The following DISP1 variants were observed in gnomAD, a reference collection of about 807,000 sequenced individuals.
DISP1 encodes the protein protein dispatched homolog 1.
A neutral mutation model predicts 37.3 loss-of-function variants in DISP1; 30 were observed. That is an observed-to-expected ratio of 0.80 (90% confidence interval 0.60 to 1.09). The LOEUF (loss-of-function observed/expected upper bound fraction) is 1.09, where lower values mean the gene tolerates loss of function less well. DISP1 is among the 50% of genes least tolerant of loss of function. The pLI, the probability that DISP1 is intolerant of heterozygous loss-of-function variation, is 0.00. For synonymous variants in DISP1, 634 were observed against 690.2 expected, an observed-to-expected ratio of 0.92 and a Z score of 1.28; for missense variants, 1,598 against 1,879.5, an observed-to-expected ratio of 0.85 and a Z score of 2.77.
chr1:222,845,313 GA>G (rs1473552168), intron 1 of DISP1, among the ~76,000 whole-genome samples: 1 of 151,994 alleles, frequency 6.6e-6, no homozygotes, highest in Non-Finnish European at 1.5e-5. Context: ...ATCCTAAAGT[GA>G]AAAAAAGAAG....
At position 223,003,273 on chromosome 1, in the gene DISP1, A is replaced by AT; in HGVS notation, c.1876_1877insT (p.Asn626IlefsTer35). ...TGCCTTTTATGCTAACTATGTTAGC[A>AT]ACATTACAGCAATCCGATGCTTTGG... On this transcript the variant is annotated frameshift_variant, in exon 9 of 9. Transcript: ENST00000675850. LOFTEE classifies it low-confidence loss of function (END_TRUNC). The surrounding 1 kb of genome is among the most constrained non-coding windows in gnomAD (Gnocchi z 4.3). 6.2e-7 allele frequency: 1 copy of AT among 1,614,226 alleles called. No individual in the cohort carries two copies. Among genetic ancestry groups the AT allele is most frequent in the Non-Finnish European group, 8.5e-7 (1 of 1,180,020 alleles).
chr1:222,858,148 C>G (rs2125321456), intron 1 of DISP1, among the ~76,000 whole-genome samples: 1 of 152,282 alleles, frequency 6.6e-6, no homozygotes, highest in Non-Finnish European at 1.5e-5. Context: ...CTACAACCAT[C>G]TGATCTTCCA....
At chr1:222,919,264 T>C (rs1185705483) in intron 1 of DISP1, among the ~76,000 whole-genome samples, 2 of 151,848 alleles carry the variant, frequency 1.3e-5, no homozygotes, top group African/African-American at 4.9e-5. Context: ...CAGCAAACTT[T>C]TCATAAATGC....
rs570905352 is a variant in DISP1 at position 222,877,356 on chromosome 1, G to A, written c.-158-51074G>A. On this transcript the variant is annotated intron_variant, in intron 1 of 8. Transcript: ENST00000675850. ...GCAACTCACCTCTTACGTGGATGGCGGCAGGCAAAGAGAGAGAGATTGTGC... is the reference window on the plus strand; with the variant it reads ...GCAACTCACCTCTTACGTGGATGGCAGCAGGCAAAGAGAGAGAGATTGTGC... Among the ~76,000 whole-genome samples the A allele has an allele frequency of 2.6e-5, 4 of 152,122 alleles. No individual in the cohort carries two copies. In the East Asian group the frequency reaches 5.8e-4, roughly 22 times the overall value.
intron 1 of DISP1, among the ~76,000 whole-genome samples, chr1:222,926,367 G>A (rs1296977132): frequency 1.3e-5 from 2 of 152,098 alleles, no homozygotes; most frequent in African/African-American, 4.8e-5. Flanking sequence ...TTATGAATAA[G>A]GCACTATGAA....
At chr1:222,828,702 C>T (rs1282673537) in intron 1 of DISP1, among the ~76,000 whole-genome samples, 1 of 152,146 alleles carries the variant, frequency 6.6e-6, no homozygotes, top group Non-Finnish European at 1.5e-5. Context: ...GTTCATTCCA[C>T]CAGGAATATG....
Position 222,992,121 on chromosome 1 carries a change from T to C in DISP1, c.889+11T>C. On this transcript the variant is annotated intron_variant, in intron 7 of 8. Transcript: ENST00000675850. ...TCTGCGACGTTCCAAGTGAGTGACA[T>C]TGTAGATGAACAAACCACTCAGCAG... 1.2e-6 allele frequency: 2 copies of C among 1,601,142 alleles called. No individual in the cohort carries two copies. Among genetic ancestry groups the C allele is most frequent in the Non-Finnish European group, 1.7e-6 (2 of 1,168,272 alleles).
chr1:222,850,712 A>G (rs566310059), intron 1 of DISP1, among the ~76,000 whole-genome samples: 46 of 152,172 alleles, frequency 3.0e-4, no homozygotes, highest in Non-Finnish European at 5.7e-4. Flanking sequence ...TTGTTCCTGC[A>G]TTAGTTTGCT....
intron 1 of DISP1, among the ~76,000 whole-genome samples, chr1:222,925,472 A>G (rs1279658399): frequency 6.6e-6 from 1 of 152,134 alleles, no homozygotes; most frequent in Non-Finnish European, 1.5e-5. Context: ...CCATTTTGTC[A>G]TGGGAATTTT....
At chr1:222,957,417 C>T (rs1346894092) in intron 3 of DISP1, among the ~76,000 whole-genome samples, 3 of 152,018 alleles carry the variant, frequency 2.0e-5, no homozygotes, top group Admixed American at 2.0e-4. Flanking sequence ...AGTGAAATCC[C>T]GTCTCTACTA....
At chr1:222,912,574 C>A (rs73128670) in intron 1 of DISP1, among the ~76,000 whole-genome samples, 1 of 151,804 alleles carries the variant, frequency 6.6e-6, no homozygotes, top group Non-Finnish European at 1.5e-5. Flanking sequence ...TTTCTTTTTA[C>A]TTCTTTTTAC....
At chr1:222,997,691 G>A (rs886529957) in intron 8 of DISP1, among the ~76,000 whole-genome samples, 1 of 152,170 alleles carries the variant, frequency 6.6e-6, no homozygotes, top group African/African-American at 2.4e-5. Context: ...ATAAGGATAG[G>A]ACAGCTGTGA....
intron 8 of DISP1, among the ~76,000 whole-genome samples, chr1:222,997,161 G>A (rs896080978): frequency 2.0e-5 from 3 of 151,782 alleles, no homozygotes; most frequent in African/African-American, 7.3e-5. Flanking sequence ...CAAAGGATGA[G>A]ATAAATAAGT....
intron 1 of DISP1, among the ~76,000 whole-genome samples, chr1:222,831,345 GGTA>G (rs1665692637): frequency 6.6e-6 from 1 of 152,088 alleles, no homozygotes; most frequent in African/African-American, 2.4e-5. Context: ...TTATTTCAGA[GGTA>G]GTAGGTTTAT....
intron 1 of DISP1, among the ~76,000 whole-genome samples, chr1:222,926,379 A>C (rs1201242702): frequency 6.6e-6 from 1 of 152,218 alleles, no homozygotes; most frequent in African/African-American, 2.4e-5. Flanking sequence ...CACTATGAAT[A>C]TTCATGTACA....
chr1:222,952,722 C>A (rs1446648584), intron 3 of DISP1, among the ~76,000 whole-genome samples: 1 of 152,102 alleles, frequency 6.6e-6, no homozygotes, highest in African/African-American at 2.4e-5. Flanking sequence ...TGGTGGCACG[C>A]ACCTGTAGTC....
chr1:222,901,501 G>A (rs1034823447), intron 1 of DISP1, among the ~76,000 whole-genome samples: 2 of 149,408 alleles, frequency 1.3e-5, no homozygotes, highest in African/African-American at 2.5e-5. Context: ...ATAGATTTTT[G>A]TTTGTTTGTT....
chr1:222,920,633 A>G (rs909165641), intron 1 of DISP1, among the ~76,000 whole-genome samples: 5 of 152,168 alleles, frequency 3.3e-5, no homozygotes, highest in African/African-American at 4.8e-5. Context: ...TAGTTTTCAC[A>G]TTTAAAAACT....
chr1:222,925,728 C>A (rs189645450), intron 1 of DISP1, among the ~76,000 whole-genome samples: 2 of 152,224 alleles, frequency 1.3e-5, no homozygotes, highest in African/African-American at 4.8e-5. Flanking sequence ...ACAGCAGCAG[C>A]AGCAGCATCC....
Sources: allele counts gnomAD v4.1 joint callset (sites outside exome capture counted in the v4.1 genomes callset), GRCh38; gene constraint gnomAD v4.1.1; non-coding constraint Gnocchi (gnomAD v3.1); transcripts MANE v1.5; gene names NCBI Gene and HGNC (gene_info 2026-07-23, HGNC 2026-07-21).